The following SHPRH variants were observed in gnomAD, a reference collection of about 807,000 sequenced individuals.
SHPRH encodes SNF2 histone linker PHD RING helicase.
A neutral mutation model predicts 202.5 loss-of-function variants in SHPRH; 106 were observed. The ratio of observed to expected loss-of-function variants is 0.52; its 90% CI spans 0.45 to 0.62. SHPRH has a LOEUF of 0.62. Ranked by LOEUF, SHPRH falls within the 20% of genes least tolerant of loss-of-function variation. The pLI is 0.00. For synonymous variants in SHPRH, 729 were observed against 686.0 expected (o/e 1.06, Z -0.98); for missense variants, 1,710 against 2,020.0 (o/e 0.85, Z 2.94).
chr6:145,894,003 A>G, intron 27 of SHPRH, 147 bp downstream of exon 27: 1 of 495,156 alleles, frequency 2.0e-6, no homozygotes, highest in Non-Finnish European at 3.4e-6. Context: ...TCTGCTTTTA[A>G]ATGTTCACTT....
chr6:145,927,357 G>T (rs1784974322), intron 14 of SHPRH, 80 bp from the exon 15 acceptor site: 1 of 1,211,506 alleles, frequency 8.3e-7, no homozygotes, highest in African/African-American at 1.5e-5. Context: ...CATTATTTAA[G>T]AATACTGTAA....
At chr6:145,880,667 C>T (rs996177473), downstream of SHPRH, among the ~76,000 whole-genome samples, 1 of 150,496 alleles carries the variant, frequency 6.6e-6, no homozygotes, top group African/African-American at 2.4e-5. Context: ...AAGAAAAAAA[C>T]TTTTCAGGAA....
intron 25 of SHPRH, among the ~76,000 whole-genome samples, chr6:145,895,721 T>C (rs1422777321): frequency 6.6e-6 from 1 of 152,034 alleles, no homozygotes; most frequent in African/African-American, 2.4e-5. Flanking sequence ...ATTAAGGTTA[T>C]GGGATTTTGA....
At position 145,945,578 on chromosome 6, in the gene SHPRH, T is replaced by C. The variant is rs770618163; in HGVS notation, c.1381A>G (p.Ile461Val). The C allele has an allele frequency of 6.2e-6, 10 of 1,612,838 alleles. No individual in the cohort carries two copies. The highest frequency in any genetic ancestry group is 8.5e-6 in the Non-Finnish European group (10 of 1,179,438). The change falls in exon 8 of 30, where the codon ATC becomes GTC. Residue 461 changes from isoleucine (I) to valine (V), a missense_variant. By Grantham distance (29) the Ile-to-Val change is conservative. Around this residue, in one of 8 missense-constraint regions of SHPRH, gnomAD observed 348 missense variants for 356.9 expected, o/e 0.97. Transcript: ENST00000275233. ...KEMNGKKGVS[I>V]LSIYKYVSSI... ...CTGACATACTTATAGATGGAAAGGATGGACACTCCTTTTTTTCCATTCATT... is the reference window on the plus strand; with the variant it reads ...CTGACATACTTATAGATGGAAAGGACGGACACTCCTTTTTTTCCATTCATT...
intron 2 of SHPRH, among the ~76,000 whole-genome samples, chr6:145,879,676 C>T (rs947097899): frequency 1.3e-5 from 2 of 151,946 alleles, no homozygotes; most frequent in Non-Finnish European, 2.9e-5. Context: ...TTTGGGAGGC[C>T]AAGGCAGGTG....
At chr6:145,880,002 C>T (rs529421492), downstream of SHPRH, among the ~76,000 whole-genome samples, 3 of 151,258 alleles carry the variant, frequency 2.0e-5, no homozygotes, top group East Asian at 1.9e-4. Context: ...AAATTCTTCA[C>T]GCCTTCTCTA....
chr6:145,866,452 G>T (rs1779786523), intron 2 of SHPRH, among the ~76,000 whole-genome samples: 1 of 152,168 alleles, frequency 6.6e-6, no homozygotes, highest in Non-Finnish European at 1.5e-5. Context: ...ATCATTAAGG[G>T]TTGAAAATGT....
chr6:145,870,723 G>C (rs778165491), intron 2 of SHPRH, among the ~76,000 whole-genome samples: 46 of 152,114 alleles, frequency 3.0e-4, no homozygotes, highest in Admixed American at 1.3e-4. Flanking sequence ...TCCTTGCTTT[G>C]TTCCTGATCT....
intron 25 of SHPRH, chr6:145,909,938 A>T (rs1783338961): frequency 6.6e-6 from 1 of 152,150 alleles, no homozygotes; most frequent in Admixed American, 6.6e-5. Context: ...AAATTAGGAA[A>T]ATAAAGCCAA....
At chr6:145,956,800 A>G (rs540395065) in intron 1 of SHPRH, among the ~76,000 whole-genome samples, 4 of 152,236 alleles carry the variant, frequency 2.6e-5, no homozygotes, top group African/African-American at 7.2e-5. Context: ...GGACTAGAAG[A>G]CTCAAAATGT....
chr6:145,907,152 T>G (rs1480043016), intron 25 of SHPRH: 1 of 152,116 alleles, frequency 6.6e-6, no homozygotes, highest in Non-Finnish European at 1.5e-5. Flanking sequence ...TCTAAATGTA[T>G]TCCTCTTCCA....
At chr6:145,951,362 G>A (rs1787959458) in intron 3 of SHPRH, among the ~76,000 whole-genome samples, 1 of 151,904 alleles carries the variant, frequency 6.6e-6, no homozygotes, top group South Asian at 2.1e-4. Context: ...ACTAAAAGAT[G>A]ACACCAAAAA....
chr6:145,897,057 A>G (rs1282584721), intron 25 of SHPRH, among the ~76,000 whole-genome samples: 1 of 151,938 alleles, frequency 6.6e-6, no homozygotes, highest in African/African-American at 2.4e-5. Context: ...CAGAGCAGAA[A>G]TAAATAAAAT....
downstream of SHPRH, among the ~76,000 whole-genome samples, chr6:145,862,305 T>A (rs1478064453): frequency 6.7e-5 from 10 of 148,354 alleles, no homozygotes; most frequent in Non-Finnish European, 3.0e-5. Flanking sequence ...AAAAAAAAAA[T>A]TAGCCGGGCG....
intron 3 of SHPRH, chr6:145,951,812 T>G (rs775347908): frequency 8.8e-6 from 4 of 456,008 alleles, no homozygotes; most frequent in South Asian, 4.6e-5. Flanking sequence ...CTTGGAGAAT[T>G]TGGGCTGTTT....
rs1267084994 is a variant in SHPRH at position 145,886,313 on chromosome 6, T to C, written c.*378A>G. On this transcript the variant is annotated 3_prime_UTR_variant, in exon 30 of 30. Coordinates refer to ENST00000275233, the MANE Select transcript of SHPRH (RefSeq NM_001042683.3). ...CTTCCAAAACTGAGATCTATGTTTG[T>C]TCAATATACCAGGTCATATAAAACT... 3.5e-6 allele frequency: 2 copies of C among 569,516 alleles called. No individual in the cohort carries two copies. The highest frequency in any genetic ancestry group is 6.5e-6 in the Non-Finnish European group (2 of 308,260). 35.3% of individuals were successfully genotyped at this position (569,516 alleles called of 1,614,324 possible).
At chr6:145,875,368 C>T (rs1334589480) in intron 2 of SHPRH, among the ~76,000 whole-genome samples, 1 of 152,130 alleles carries the variant, frequency 6.6e-6, no homozygotes, top group Non-Finnish European at 1.5e-5. Flanking sequence ...ATTGCCTGGC[C>T]CAAAATGTCA....
chr6:145,927,427 T>C lies in SHPRH; in HGVS notation c.3113-150A>G, dbSNP rs1220909652. On this transcript the variant is annotated intron_variant, in intron 14 of 29. Coordinates refer to ENST00000275233, the MANE Select transcript of SHPRH (RefSeq NM_001042683.3). Reference sequence around the variant, plus strand: ...AAAGAAATTTGACTTGGTATTAATATGATTGCCCAAGTTTTAAAAAAGGCT... The same window carrying C: ...AAAGAAATTTGACTTGGTATTAATACGATTGCCCAAGTTTTAAAAAAGGCT... 22 of 623,530 alleles carry C rather than the reference T, an allele frequency of 3.5e-5. No individual in the cohort carries two copies. The South Asian group carries it at 4.3e-4, about 12-fold the overall frequency. The allele number at this position is 623,530 out of a possible 1,614,324, so 38.6% of individuals were successfully genotyped here.
Position 145,955,178 on chromosome 6 carries a change from T to C in SHPRH, c.145A>G (p.Thr49Ala), listed in dbSNP as rs983761786. ...AGAATGATATAATGAGCAGAAGAGGTATCTGAACCTGGGCAGGGCTGCTCG... is the reference window on the plus strand; with the variant it reads ...AGAATGATATAATGAGCAGAAGAGGCATCTGAACCTGGGCAGGGCTGCTCG... ...DDEQPCPGSD[T>A]SSAHYIILSD... The change falls in exon 2 of 30, where the codon ACC (threonine) becomes GCC (alanine). Residue 49 changes from threonine (T) to alanine (A), a missense_variant. Around this residue, in one of 8 missense-constraint regions of SHPRH, gnomAD observed 459 missense variants for 426.5 expected, o/e 1.08. Transcript: ENST00000275233. The C allele has an allele frequency of 2.5e-6, 4 of 1,613,716 alleles. No individual in the cohort carries two copies. Among genetic ancestry groups the C allele is most frequent in the Non-Finnish European group, 3.4e-6 (4 of 1,179,964 alleles).
Sources: allele counts gnomAD v4.1 joint callset (sites outside exome capture counted in the v4.1 genomes callset), GRCh38; gene constraint gnomAD v4.1.1; regional missense constraint gnomAD v4.1.1; transcripts MANE v1.5; gene names NCBI Gene and HGNC (gene_info 2026-07-23, HGNC 2026-07-21).